The following CLSTN2 variants were observed in gnomAD, a reference collection of about 807,000 sequenced individuals.
CLSTN2 encodes the protein calsyntenin 2, also known as calsyntenin-2.
CLSTN2 carries 48 observed loss-of-function variants against 101.2 expected under a neutral mutation model. The observed-to-expected ratio is 0.47, with a 90% confidence interval of 0.38 to 0.60. CLSTN2 has a LOEUF of 0.60. Among genes scored for constraint, CLSTN2 ranks in the 20% least tolerant of loss-of-function variants. The probability of loss-of-function intolerance (pLI) is 0.00; values close to 1 mark genes in which losing one functional copy is unlikely to be tolerated. For synonymous variants in CLSTN2, 481 were observed against 463.6 expected, an observed-to-expected ratio of 1.04 and a Z score of -0.48; for missense variants, 1,160 against 1,238.2, an observed-to-expected ratio of 0.94 and a Z score of 0.95.
chr3:140,179,147 G>T (rs1559799622), intron 2 of CLSTN2, among the ~76,000 whole-genome samples: 1 of 151,934 alleles, frequency 6.6e-6, no homozygotes, highest in Non-Finnish European at 1.5e-5. Flanking sequence ...AGCTTTTATG[G>T]TATATCTCCT....
chr3:139,936,538 A>G (rs551173505), intron 1 of CLSTN2, among the ~76,000 whole-genome samples: 26 of 152,336 alleles, frequency 1.7e-4, no homozygotes, highest in African/African-American at 6.0e-4. Flanking sequence ...CTGCCTGGCA[A>G]TCATCAGAGG....
intron 10 of CLSTN2, among the ~76,000 whole-genome samples, chr3:140,554,042 G>A (rs1039742740): frequency 1.3e-5 from 2 of 152,158 alleles, no homozygotes; most frequent in African/African-American, 2.4e-5. Flanking sequence ...GGGATTCAGG[G>A]ATAAGAGGCA....
At chr3:140,433,423 C>T (rs1012975070) in intron 5 of CLSTN2, among the ~76,000 whole-genome samples, 1 of 152,232 alleles carries the variant, frequency 6.6e-6, no homozygotes, top group Non-Finnish European at 1.5e-5. Flanking sequence ...TGACTCAGAG[C>T]CCCACATGCT....
chr3:140,172,433 G>A (rs1044137948), intron 1 of CLSTN2, among the ~76,000 whole-genome samples: 5 of 152,136 alleles, frequency 3.3e-5, no homozygotes, highest in Non-Finnish European at 7.3e-5. Context: ...AGACATAGAA[G>A]GGGAAGGATT....
intron 1 of CLSTN2, among the ~76,000 whole-genome samples, chr3:140,106,675 G>A (rs939123344): frequency 1.3e-5 from 2 of 152,282 alleles, no homozygotes; most frequent in Admixed American, 1.3e-4. Context: ...ACCATTCCAG[G>A]CTGGACAGTA....
rs552694928 is a variant in CLSTN2, at chr3:140,347,195, T to C, written c.233-56434T>C. On this transcript the variant is annotated intron_variant, in intron 2 of 16. Transcript: ENST00000458420. The stretch of plus-strand genomic sequence containing the variant: ...GACTGAAACATGGAGTAAAATGTGT[T>C]ATTTGGCATCTCCTACTAGACCAAC... Among the ~76,000 whole-genome samples the C allele has an allele frequency of 1.2e-4, 19 of 152,342 alleles. No individual in the cohort carries two copies. In the South Asian group the frequency reaches 3.9e-3, roughly 32 times the overall value.
intron 1 of CLSTN2, among the ~76,000 whole-genome samples, chr3:139,936,331 G>T (rs542183205): frequency 3.9e-4 from 60 of 152,302 alleles, no homozygotes; most frequent in African/African-American, 1.3e-3. Flanking sequence ...TGCAGGGGGT[G>T]GGGAGGCGAG....
At chr3:140,120,539 C>T (rs1409089929) in intron 1 of CLSTN2, among the ~76,000 whole-genome samples, 2 of 152,150 alleles carry the variant, frequency 1.3e-5, no homozygotes, top group African/African-American at 4.8e-5. Context: ...TTTTCAGCTC[C>T]TCTCCCCTCC....
At chr3:140,555,006 A>G (rs1935768017) in intron 10 of CLSTN2, among the ~76,000 whole-genome samples, 1 of 152,234 alleles carries the variant, frequency 6.6e-6, no homozygotes, top group Non-Finnish European at 1.5e-5. Context: ...ACAGTAACAA[A>G]TTATTTAATA....
chr3:140,405,675 C>T (rs972005112), intron 4 of CLSTN2, among the ~76,000 whole-genome samples: 2 of 152,178 alleles, frequency 1.3e-5, no homozygotes, highest in East Asian at 1.9e-4. Flanking sequence ...TGGACATTTC[C>T]CCATCACCAC....
At chr3:140,242,468 A>T (rs780548722) in intron 2 of CLSTN2, among the ~76,000 whole-genome samples, 1 of 152,142 alleles carries the variant, frequency 6.6e-6, no homozygotes, top group Non-Finnish European at 1.5e-5. Context: ...GCCATATTGG[A>T]GCCCTGGTGT....
intron 2 of CLSTN2, among the ~76,000 whole-genome samples, chr3:140,246,466 A>T (rs967310329): frequency 1.2e-4 from 18 of 152,068 alleles, no homozygotes; most frequent in African/African-American, 4.3e-4. Context: ...TGAATCAGAA[A>T]CCTTGCAGTA....
chr3:139,963,783 T>C (rs1935549620), intron 1 of CLSTN2, among the ~76,000 whole-genome samples: 1 of 152,228 alleles, frequency 6.6e-6, no homozygotes, highest in African/African-American at 2.4e-5. Flanking sequence ...TAATGGGCTG[T>C]AGTTTGTGCA....
In CLSTN2 at chr3:140,529,773, C is replaced by T. The variant is rs1238516612; in HGVS notation, c.1345-2551C>T. Among the ~76,000 whole-genome samples the T allele has an allele frequency of 2.0e-5, 3 of 152,186 alleles. No individual in the cohort carries two copies. The East Asian group carries it at 5.8e-4, about 29-fold the overall frequency. On this transcript the variant is annotated intron_variant, in intron 8 of 16. Coordinates refer to ENST00000458420, the MANE Select transcript of CLSTN2 (RefSeq NM_022131.3). ...TGGGGCAGCTCCCAAGCATTCCTACCTTTGACTCTTGGCTGAGGCTGTTCT... is the reference window on the plus strand; with the variant it reads ...TGGGGCAGCTCCCAAGCATTCCTACTTTTGACTCTTGGCTGAGGCTGTTCT...
intron 1 of CLSTN2, among the ~76,000 whole-genome samples, chr3:140,038,663 C>T (rs193067831): frequency 5.9e-4 from 89 of 152,052 alleles, no homozygotes; most frequent in Admixed American, 1.0e-3. Context: ...CATTATCGCT[C>T]CTAAAAAAGT....
chr3:139,988,572 A>G (rs1936066851), intron 1 of CLSTN2, among the ~76,000 whole-genome samples: 1 of 152,180 alleles, frequency 6.6e-6, no homozygotes, highest in Admixed American at 6.5e-5. Flanking sequence ...TGTGATGGAG[A>G]GGATAAGAAG....
rs1185066455 is a variant in CLSTN2 at position 140,252,762 on chromosome 3, G to A, written c.232+76689G>A. 3.3e-5 allele frequency among the ~76,000 whole-genome samples: 5 copies of A among 152,338 alleles called. No homozygotes were observed. The East Asian group carries it at 7.7e-4, about 24-fold the overall frequency. ...TGCCTAAGGTACAAGCAAGTTAGCT[G>A]TGTGGCGCATGATGCATCTTACTGA... On this transcript the variant is annotated intron_variant, in intron 2 of 16. Transcript: ENST00000458420.
intron 1 of CLSTN2, among the ~76,000 whole-genome samples, chr3:139,995,609 A>C (rs1007552017): frequency 2.0e-5 from 3 of 152,144 alleles, no homozygotes; most frequent in African/African-American, 7.2e-5. Context: ...GTCCCAGGTG[A>C]CTATCTGGAG....
At chr3:140,189,315 A>G (rs1024636259) in intron 2 of CLSTN2, among the ~76,000 whole-genome samples, 1 of 152,210 alleles carries the variant, frequency 6.6e-6, no homozygotes, top group African/African-American at 2.4e-5. Context: ...GTTAAGTTTT[A>G]TAAGAAACTG....
Sources: allele counts gnomAD v4.1 joint callset (sites outside exome capture counted in the v4.1 genomes callset), GRCh38; gene constraint gnomAD v4.1.1; transcripts MANE v1.5; gene names NCBI Gene and HGNC (gene_info 2026-07-23, HGNC 2026-07-21).